Variants in DHX30 observed in about 807,000 individuals in gnomAD.
DHX30 encodes the protein DExH-box helicase 30.
A neutral mutation model predicts 116.9 loss-of-function variants in DHX30; 4 were observed. That is an observed-to-expected ratio of 0.03 (90% CI 0.02 to 0.08). The LOEUF (loss-of-function observed/expected upper bound fraction) is 0.08, where lower values mean the gene tolerates loss of function less well. DHX30 is among the 10% of genes least tolerant of loss of function. DHX30 has a pLI of 1.00. For missense variants in DHX30, 871 were observed against 1,595.1 expected, an observed-to-expected ratio of 0.55 and a Z score of 7.73; for synonymous variants, 697 against 651.7, an observed-to-expected ratio of 1.07 and a Z score of -1.06.
chr3:47,825,785 A>G (rs941940193), intron 4 of DHX30: 1 of 152,304 alleles, frequency 6.6e-6, no homozygotes, highest in Non-Finnish European at 1.5e-5. Flanking sequence ...GTGCAGCTCT[A>G]TTGTTAAACC....
intron 3 of DHX30, among the ~76,000 whole-genome samples, chr3:47,814,806 C>A (rs1339205795): frequency 6.6e-6 from 1 of 152,084 alleles, no homozygotes; most frequent in Non-Finnish European, 1.5e-5. Flanking sequence ...AGGTGTGAAC[C>A]ACCACGCCCG....
chr3:47,815,899 A>T (rs2036030855), intron 3 of DHX30: 2 of 983,102 alleles, frequency 2.0e-6, no homozygotes, highest in Non-Finnish European at 2.4e-6. Flanking sequence ...ATTGCTGAAA[A>T]TGCTTAATGA....
At chr3:47,832,330 C>T (rs555554959) in intron 6 of DHX30, among the ~76,000 whole-genome samples, 1 of 152,270 alleles carries the variant, frequency 6.6e-6, no homozygotes, top group South Asian at 2.1e-4. Flanking sequence ...AGTACCTTTT[C>T]CTCTTCCACC....
chr3:47,835,655 T>G (rs1426089907), intron 6 of DHX30, among the ~76,000 whole-genome samples: 2 of 152,124 alleles, frequency 1.3e-5, no homozygotes, highest in African/African-American at 2.4e-5. Context: ...TTGGCTAGGC[T>G]GGTCTCAAAC....
intron 4 of DHX30, among the ~76,000 whole-genome samples, chr3:47,820,344 G>A (rs995110754): frequency 1.3e-5 from 2 of 151,998 alleles, no homozygotes; most frequent in African/African-American, 4.8e-5. Context: ...CGGCTTATGT[G>A]GAAGGGGAAG....
Position 47,836,883 on chromosome 3 carries a change from T to G in DHX30, c.367-3994T>G, listed in dbSNP as rs553685038. On this transcript the variant is annotated intron_variant, in intron 6 of 21. Coordinates refer to ENST00000445061, the MANE Select transcript of DHX30 (RefSeq NM_138615.3). Reference sequence around the variant, plus strand: ...TGAGATCTTGTTGTGGTTATAGGAGTTGTTTTTTATTCTAGAACTCAGCCT... The same window carrying G: ...TGAGATCTTGTTGTGGTTATAGGAGGTGTTTTTTATTCTAGAACTCAGCCT... 7.2e-5 allele frequency among the ~76,000 whole-genome samples: 11 copies of G among 152,244 alleles called. No homozygotes were observed. The South Asian group carries it at 2.1e-3, about 29-fold the overall frequency.
Position 47,827,366 on chromosome 3 carries a change from A to G in DHX30, c.144A>G (p.Lys48=). ...TISRASRDLL[K]EFPQPKNLLN... is the part of the protein sequence containing the mutation. ...TCTTAGCTTCTAGGGACCTATTAAA[A>G]GAGTTCCCACAGCCCAAAAATCTTC... The change falls in exon 5 of 22, where the codon AAA becomes AAG. Residue 48 remains lysine (K), a synonymous_variant. Transcript: ENST00000445061. 1 of 1,611,540 alleles carries G rather than the reference A, an allele frequency of 6.2e-7. No individual in the cohort carries two copies.
intron 10 of DHX30, 143 bp from the exon 11 acceptor site, chr3:47,846,022 C>A: frequency 7.2e-7 from 1 of 1,391,230 alleles, no homozygotes; most frequent in Non-Finnish European, 9.7e-7. Flanking sequence ...CACAAGGATC[C>A]CGGGGCAGTC....
chr3:47,807,149 T>A (rs2106926884), intron 2 of DHX30, among the ~76,000 whole-genome samples: 1 of 151,832 alleles, frequency 6.6e-6, no homozygotes, highest in East Asian at 2.0e-4. Flanking sequence ...GAGGTTGTAG[T>A]GAGCAGAGAT....
In DHX30 at chr3:47,846,236, G is replaced by A. The variant is rs754929874; in HGVS notation, c.1164G>A (p.Lys388=). 9 of 1,614,092 alleles carry A rather than the reference G, an allele frequency of 5.6e-6. No homozygotes were observed. The South Asian group carries it at 7.7e-5, about 14-fold the overall frequency. The change falls in exon 11 of 22, where the codon AAG becomes AAA. Residue 388 remains lysine (K), a synonymous_variant. Transcript: ENST00000445061. ...LQSDDILPLG[K]DSGPLSDPIT... ...GTGATGACATCTTGCCCTTGGGCAA[G>A]GACTCAGGGCCTCTGAGTGACCCTA...
chr3:47,828,384 C>T (rs1255359570), intron 5 of DHX30, among the ~76,000 whole-genome samples: 1 of 148,846 alleles, frequency 6.7e-6, no homozygotes, highest in African/African-American at 2.5e-5. Flanking sequence ...TGCTTGAGCC[C>T]AGGAGGTTGA....
chr3:47,830,290 A>AT (rs1407545603), intron 6 of DHX30, among the ~76,000 whole-genome samples: 1 of 151,320 alleles, frequency 6.6e-6, no homozygotes, highest in Non-Finnish European at 1.5e-5. Flanking sequence ...TGTACTAAAA[A>AT]TACAAAAATT....
At chr3:47,808,483 G>A (rs954548352) in intron 2 of DHX30, among the ~76,000 whole-genome samples, 5 of 151,774 alleles carry the variant, frequency 3.3e-5, no homozygotes, top group South Asian at 2.1e-4. Context: ...CTCCCAAAGC[G>A]CTGGGATTAC....
rs2037605136 is a variant in DHX30, at chr3:47,846,318, A to C, written c.1246A>C (p.Ser416Arg). Residue 416 changes from serine to arginine, a missense_variant, in exon 11 of 22, where the codon AGT (serine) becomes CGT (arginine). Around this residue, in one of 13 missense-constraint regions of DHX30, gnomAD observed 175 missense variants for 292.9 expected, o/e 0.60. Coordinates refer to ENST00000445061, the MANE Select transcript of DHX30 (RefSeq NM_138615.3). The part of the protein sequence containing the change: ...LEAEEVRLSQ[S>R]LLELWRRRGP... The stretch of plus-strand genomic sequence containing the variant: ...AGCAGAGGAGGTACGTCTCAGCCAG[A>C]GTCTGCTAGAACTGTGGCGGCGGCG... 3.1e-6 allele frequency: 5 copies of C among 1,614,174 alleles called. No homozygotes were observed. The highest frequency in any genetic ancestry group is 4.2e-6 in the Non-Finnish European group (5 of 1,180,046).
chr3:47,842,927 G>T (rs2037446931), intron 8 of DHX30, among the ~76,000 whole-genome samples, 179 bp from the exon 9 acceptor site: 1 of 152,230 alleles, frequency 6.6e-6, no homozygotes, highest in South Asian at 2.1e-4. Flanking sequence ...TGGGACTAGG[G>T]TGCCTGAGCC....
intron 3 of DHX30, chr3:47,815,883 C>T (rs2106959949): frequency 1.0e-6 from 1 of 968,260 alleles, no homozygotes. Flanking sequence ...TAACAACTCT[C>T]TCCCAATTGC....
intron 4 of DHX30, chr3:47,824,808 T>G: frequency 2.5e-6 from 1 of 403,448 alleles, no homozygotes; most frequent in Non-Finnish European, 4.3e-6. Context: ...CGACTGCTGG[T>G]TTAGATTTGC....
chr3:47,824,136 G>A (rs1421927011), intron 4 of DHX30, among the ~76,000 whole-genome samples: 2 of 151,592 alleles, frequency 1.3e-5, no homozygotes, highest in Non-Finnish European at 1.5e-5. Flanking sequence ...CCGAGTAGCT[G>A]GGATTACAGG....
At chr3:47,823,473 C>T (rs2036392409) in intron 4 of DHX30, among the ~76,000 whole-genome samples, 2 of 151,516 alleles carry the variant, frequency 1.3e-5, no homozygotes, top group Middle Eastern at 3.4e-3. Flanking sequence ...AAGCAATTCT[C>T]CTGCCTCAGC....
Sources: gnomAD v4.1 joint callset for allele counts (sites outside exome capture counted in the v4.1 genomes callset) on GRCh38, gnomAD v4.1.1 for gene constraint, gnomAD v4.1.1 regional missense constraint, MANE v1.5 for transcripts, NCBI Gene and HGNC (gene_info 2026-07-23, HGNC 2026-07-21) for gene names.